Variants in DENND2B observed in about 807,000 individuals in gnomAD.
DENND2B encodes DENN domain-containing protein 2B.
A neutral mutation model predicts 116.0 loss-of-function variants in DENND2B; 32 were observed. That is an observed-to-expected ratio of 0.28 (90% confidence interval 0.21 to 0.37). The LOEUF (loss-of-function observed/expected upper bound fraction) is 0.37, where lower values mean the gene tolerates loss of function less well. Among genes scored for constraint, DENND2B ranks in the 10% least tolerant of loss-of-function variants. The pLI is 1.00. For synonymous variants in DENND2B, 588 were observed against 583.9 expected, an observed-to-expected ratio of 1.01 and a Z score of -0.10; for missense variants, 1,276 against 1,477.7, an observed-to-expected ratio of 0.86 and a Z score of 2.24.
At chr11:8,906,794 G>T (rs2064244523) in intron 1 of DENND2B, among the ~76,000 whole-genome samples, 1 of 152,166 alleles carries the variant, frequency 6.6e-6, no homozygotes, top group Non-Finnish European at 1.5e-5. Context: ...CAGGCAAAAT[G>T]AATGATCTAA....
chr11:8,744,403 G>C lies in DENND2B; in HGVS notation c.80+6218C>G, dbSNP rs373726791. On this transcript the variant is annotated intron_variant, in intron 2 of 19. Coordinates refer to ENST00000313726, the MANE Select transcript of DENND2B (RefSeq NM_213618.2). ...CCCGCCTCGGCCTCCCAAAGTGCTG[G>C]GATTACAGGCATCAGCCACCGCACC... Among the ~76,000 whole-genome samples the C allele has an allele frequency of 1.9e-3, 283 of 152,170 alleles. 2 individuals are homozygous for C. Among genetic ancestry groups the C allele is most frequent in the African/African-American group, 6.3e-3 (262 of 41,508 alleles).
chr11:8,734,791 C>CAAAAAA (rs11339783), intron 2 of DENND2B, among the ~76,000 whole-genome samples: 4 of 98,524 alleles, frequency 4.1e-5, no homozygotes, highest in Non-Finnish European at 5.7e-5. Flanking sequence ...ACAAGAGTCT[C>CAAAAAA]AAAAAAAAAA....
Position 8,851,843 on chromosome 11 carries a change from T to C in DENND2B, c.-156+5500A>G, listed in dbSNP as rs577544129. Among the ~76,000 whole-genome samples, 3 of 152,226 alleles carry C rather than the reference T, an allele frequency of 2.0e-5. No individual in the cohort carries two copies. In the East Asian group the frequency reaches 5.8e-4, roughly 29 times the overall value. ...TATATTTTGGTATATATATAAACAC[T>C]AATTATCTCTGTGTAGTAGGATTGT... On this transcript the variant is annotated intron_variant, in intron 3 of 6. Transcript: ENST00000524757.
intron 2 of DENND2B, chr11:8,857,444 G>GA (rs1399955459): frequency 6.6e-6 from 1 of 152,114 alleles, no homozygotes; most frequent in Non-Finnish European, 1.5e-5. Context: ...TCCCTGTAGA[G>GA]AAAGACAGAA....
At chr11:8,847,348 T>A (rs2062851182) in intron 3 of DENND2B, among the ~76,000 whole-genome samples, 1 of 152,234 alleles carries the variant, frequency 6.6e-6, no homozygotes. Context: ...AATTAGGTGA[T>A]CATTAATTAC....
Position 8,712,452 on chromosome 11 carries a change from G to T in DENND2B, c.2172+99C>A. 1 of 1,332,332 alleles carries T rather than the reference G, an allele frequency of 7.5e-7. No individual in the cohort carries two copies. 82.5% of individuals were successfully genotyped at this position (1,332,332 alleles called of 1,614,324 possible). ...AGGGCTGTGGCAGCTCGGTGAGGAC[G>T]TATGACGAACAAGATCTCTCTCCTT... On this transcript the variant is annotated intron_variant, in intron 9 of 19. Coordinates refer to ENST00000313726, the MANE Select transcript of DENND2B (RefSeq NM_213618.2). The surrounding 1 kb of genome is among the most constrained non-coding windows in gnomAD (Gnocchi z 4.4).
chr11:8,723,643 C>A (rs1005245340), intron 4 of DENND2B, among the ~76,000 whole-genome samples: 3 of 152,154 alleles, frequency 2.0e-5, no homozygotes, highest in Admixed American at 2.0e-4. Context: ...GGGGTATGGG[C>A]TGCAGTTGGG....
chr11:8,731,153 G>T lies in DENND2B; in HGVS notation c.137C>A (p.Pro46Gln). The T allele has an allele frequency of 6.4e-7, 1 of 1,560,652 alleles. No homozygotes were observed. Among genetic ancestry groups the T allele is most frequent in the African/African-American group, 1.4e-5 (1 of 73,592 alleles). The change falls in exon 3 of 20, where the codon CCG becomes CAG. Residue 46 changes from proline (P) to glutamine (Q), a missense_variant. By Grantham distance (76) the Pro-to-Gln change is moderately conservative. Coordinates refer to ENST00000313726, the MANE Select transcript of DENND2B (RefSeq NM_213618.2). ...GGCTGAGGTTTCACTATCACTGAGC[G>T]GGTAGATGGGACTCCTTGGTGGGGA... is the stretch of plus-strand genomic sequence containing the variant. Reference protein sequence around the residue: ...VLSPPRSPIYPLSDSETSACR... With the variant: ...VLSPPRSPIYQLSDSETSACR...
chr11:8,708,044 C>T (rs1013489199), intron 11 of DENND2B, 190 bp from the exon 12 acceptor site: 6 of 1,510,006 alleles, frequency 4.0e-6, no homozygotes, highest in Admixed American at 4.0e-5. Context: ...GGACAGGCCT[C>T]AGCTCTGCAG....
At chr11:8,874,815 C>T (rs768563442), upstream of DENND2B, among the ~76,000 whole-genome samples, 2 of 151,986 alleles carry the variant, frequency 1.3e-5, no homozygotes, top group Non-Finnish European at 2.9e-5. Context: ...GTCCCAGCTA[C>T]TCAAGACATT....
intron 2 of DENND2B, among the ~76,000 whole-genome samples, chr11:8,746,445 T>A (rs901105183): frequency 6.6e-6 from 1 of 152,138 alleles, no homozygotes; most frequent in Non-Finnish European, 1.5e-5. Context: ...AACTCTAACA[T>A]CCCAACAGAG....
chr11:8,816,321 G>A (rs1006053478), intron 4 of DENND2B, among the ~76,000 whole-genome samples: 2 of 152,154 alleles, frequency 1.3e-5, no homozygotes, highest in Admixed American at 6.5e-5. Flanking sequence ...TGGGGTGGGA[G>A]AATTGCTTGA....
chr11:8,825,193 T>C (rs1285433414), intron 4 of DENND2B, among the ~76,000 whole-genome samples: 1 of 152,206 alleles, frequency 6.6e-6, no homozygotes, highest in African/African-American at 2.4e-5. Flanking sequence ...CCTATACTTT[T>C]TTGGCTTTTT....
intron 1 of DENND2B, among the ~76,000 whole-genome samples, chr11:8,792,590 T>C (rs182793676): frequency 1.3e-5 from 2 of 152,246 alleles, no homozygotes; most frequent in African/African-American, 2.4e-5. Flanking sequence ...CAAGATAAAA[T>C]AGTGACCAAA....
intron 4 of DENND2B, among the ~76,000 whole-genome samples, chr11:8,817,402 T>C (rs753862644): frequency 6.6e-6 from 1 of 152,068 alleles, no homozygotes; most frequent in African/African-American, 2.4e-5. Context: ...CAAACTTTGC[T>C]TGCACAGCCT....
chr11:8,773,152 G>C (rs1376672085), intron 1 of DENND2B, among the ~76,000 whole-genome samples: 1 of 152,164 alleles, frequency 6.6e-6, no homozygotes, highest in East Asian at 1.9e-4. Context: ...TTCACACCCA[G>C]AGCCAAGAAG....
At position 8,774,667 on chromosome 11, in the gene DENND2B, G is replaced by C. The variant is rs144679409; in HGVS notation, c.-25-23942C>G. Among the ~76,000 whole-genome samples, 259 of 152,156 alleles carry C rather than the reference G, an allele frequency of 1.7e-3. 1 individual carries two copies. The highest frequency in any genetic ancestry group is 5.7e-3 in the African/African-American group (238 of 41,504). On this transcript the variant is annotated intron_variant, in intron 1 of 19. Coordinates refer to ENST00000313726, the MANE Select transcript of DENND2B (RefSeq NM_213618.2). ...TAAACTACAAATCCACAAGTCAAGG[G>C]GCACAGCAAGTTCCCCAAAACCAAG...
chr11:8,895,503 C>T (rs1217751738), intron 1 of DENND2B: 1 of 152,148 alleles, frequency 6.6e-6, no homozygotes, highest in Non-Finnish European at 1.5e-5. Flanking sequence ...AAGAAAAATA[C>T]TGTATGAGTC....
intron 1 of DENND2B, among the ~76,000 whole-genome samples, chr11:8,886,751 T>C (rs560232780): frequency 2.3e-4 from 35 of 152,140 alleles, no homozygotes; most frequent in African/African-American, 8.4e-4. Context: ...ACTCAATACA[T>C]GTCTGTTGGA....
Sources: gnomAD v4.1 joint callset for allele counts (sites outside exome capture counted in the v4.1 genomes callset) on GRCh38, gnomAD v4.1.1 for gene constraint, Gnocchi (gnomAD v3.1) non-coding constraint, MANE v1.5 for transcripts, NCBI Gene and HGNC (gene_info 2026-07-23, HGNC 2026-07-21) for gene names.